The following CTDSPL2 variants were observed in gnomAD, a reference collection of about 807,000 sequenced individuals.
The protein encoded by CTDSPL2 is CTD small phosphatase-like protein 2.
Under a neutral mutation model 60.0 loss-of-function variants are expected in CTDSPL2, and 5 were observed. The ratio of observed to expected loss-of-function variants is 0.08; its 90% CI spans 0.04 to 0.18. CTDSPL2 has a LOEUF of 0.18. Ranked by LOEUF, CTDSPL2 falls within the 10% of genes least tolerant of loss-of-function variation. CTDSPL2 has a pLI of 1.00. For synonymous variants in CTDSPL2, 186 were observed against 189.3 expected (o/e 0.98, Z 0.14); for missense variants, 370 against 548.8 (o/e 0.67, Z 3.26).
intron 8 of CTDSPL2, among the ~76,000 whole-genome samples, chr15:44,513,447 G>A (rs955530813): frequency 5.9e-5 from 9 of 152,278 alleles, no homozygotes; most frequent in East Asian, 1.9e-4. Flanking sequence ...AGCCTGGGCC[G>A]TAAGAGTGAA....
chr15:44,469,429 AT>A (rs1000801476), intron 2 of CTDSPL2, among the ~76,000 whole-genome samples: 13 of 151,176 alleles, frequency 8.6e-5, no homozygotes, highest in Admixed American at 2.6e-4. Flanking sequence ...ATTTTACACT[AT>A]TTTTTTTTCT....
rs143819285 is a variant in CTDSPL2 at position 44,497,268 on chromosome 15, C to T, written c.882+130C>T. ...CTGAAGGACCAAAAATAATTTGGGT[C>T]AACTTAATTAACCATATGCAAGACC... is the stretch of plus-strand genomic sequence containing the variant. On this transcript the variant is annotated intron_variant, in intron 7 of 12. Coordinates refer to ENST00000260327, the MANE Select transcript of CTDSPL2 (RefSeq NM_016396.3). The T allele has an allele frequency of 1.2e-4, 66 of 532,628 alleles. No homozygotes were observed. The East Asian group carries it at 1.9e-3, about 16-fold the overall frequency. 33.0% of individuals were successfully genotyped at this position (532,628 alleles called of 1,614,324 possible). A position where few individuals can be genotyped will look rare whatever the true frequency, so the allele number is the denominator to read the frequency against.
chr15:44,474,883 G>A (rs1162168389), intron 2 of CTDSPL2, among the ~76,000 whole-genome samples: 1 of 152,008 alleles, frequency 6.6e-6, no homozygotes, highest in African/African-American at 2.4e-5. Flanking sequence ...GTTTCAGTGC[G>A]TTGATTTGTC....
intron 1 of CTDSPL2, among the ~76,000 whole-genome samples, chr15:44,444,993 G>A (rs541870269): frequency 4.5e-4 from 68 of 150,056 alleles, no homozygotes; most frequent in African/African-American, 1.4e-3. Flanking sequence ...GACTACAGGC[G>A]CACACCTGGC....
At chr15:44,510,070 C>A (rs2081539773) in intron 8 of CTDSPL2, among the ~76,000 whole-genome samples, 1 of 151,678 alleles carries the variant, frequency 6.6e-6, no homozygotes. Context: ...ACTGCAACCT[C>A]TGTCTCCTGG....
intron 1 of CTDSPL2, among the ~76,000 whole-genome samples, chr15:44,433,214 C>CT (rs1196865523): frequency 6.7e-6 from 1 of 150,272 alleles, no homozygotes; most frequent in Non-Finnish European, 1.5e-5. Context: ...ACTAGCGGGG[C>CT]TGAGTAGGGG....
chr15:44,476,313 G>A (rs1011044241), intron 2 of CTDSPL2, among the ~76,000 whole-genome samples: 1 of 151,972 alleles, frequency 6.6e-6, no homozygotes, highest in Admixed American at 6.6e-5. Flanking sequence ...TGATCCGCCC[G>A]CCCTGGCCTC....
At chr15:44,469,496 T>G (rs752994172) in intron 2 of CTDSPL2, among the ~76,000 whole-genome samples, 9 of 152,168 alleles carry the variant, frequency 5.9e-5, no homozygotes, top group Non-Finnish European at 1.3e-4. Flanking sequence ...ATATGCCATA[T>G]ATTTTGATAC....
At chr15:44,488,987 G>T (rs2081169485) in intron 4 of CTDSPL2, among the ~76,000 whole-genome samples, 1 of 152,082 alleles carries the variant, frequency 6.6e-6, no homozygotes. Context: ...AGGAAGAGAT[G>T]GTGTCATTAA....
chr15:44,493,148 G>A (rs2081244478), intron 5 of CTDSPL2, among the ~76,000 whole-genome samples: 1 of 151,990 alleles, frequency 6.6e-6, no homozygotes, highest in Non-Finnish European at 1.5e-5. Context: ...TCTAATTGAA[G>A]AGCCAAATAT....
intron 8 of CTDSPL2, among the ~76,000 whole-genome samples, chr15:44,501,535 G>T (rs1158827432): frequency 6.6e-6 from 1 of 151,810 alleles, no homozygotes; most frequent in African/African-American, 2.4e-5. Context: ...GTCTTATTTT[G>T]AATAAAAAGC....
At chr15:44,441,943 A>G (rs1047874890) in intron 1 of CTDSPL2, among the ~76,000 whole-genome samples, 5 of 152,114 alleles carry the variant, frequency 3.3e-5, no homozygotes, top group Non-Finnish European at 7.4e-5. Context: ...AGTTTAGACC[A>G]AAGGAAAGGG....
At chr15:44,488,670 CTGGG>C (rs2081163079) in intron 4 of CTDSPL2, among the ~76,000 whole-genome samples, 2 of 151,986 alleles carry the variant, frequency 1.3e-5, no homozygotes, top group South Asian at 4.2e-4. Flanking sequence ...AAAAATTTAG[CTGGG>C]CATGGTGGCG....
At chr15:44,430,726 T>G (rs929101090) in intron 1 of CTDSPL2, among the ~76,000 whole-genome samples, 3 of 152,300 alleles carry the variant, frequency 2.0e-5, no homozygotes, top group Non-Finnish European at 1.5e-5. Flanking sequence ...TGAGAGTTTA[T>G]TTGTGTTGTG....
At chr15:44,481,355 T>C (rs2081023394) in intron 2 of CTDSPL2, among the ~76,000 whole-genome samples, 1 of 152,136 alleles carries the variant, frequency 6.6e-6, no homozygotes, top group Admixed American at 6.5e-5. Context: ...TCTGCAACAA[T>C]ATGTGGTGCC....
chr15:44,460,747 A>G (rs2080549525), intron 2 of CTDSPL2, among the ~76,000 whole-genome samples: 1 of 152,040 alleles, frequency 6.6e-6, no homozygotes, highest in Non-Finnish European at 1.5e-5. Context: ...TTTCTTTGTT[A>G]ATTTTCAGTA....
At chr15:44,523,218 A>C (rs2081813812) in intron 12 of CTDSPL2, among the ~76,000 whole-genome samples, 1 of 152,024 alleles carries the variant, frequency 6.6e-6, no homozygotes, top group Admixed American at 6.6e-5. Flanking sequence ...GCTGATCTCG[A>C]ACTCCTGACC....
intron 1 of CTDSPL2, among the ~76,000 whole-genome samples, chr15:44,439,400 C>A (rs572606226): frequency 7.2e-5 from 11 of 152,046 alleles, no homozygotes; most frequent in Middle Eastern, 3.4e-3. Flanking sequence ...GCCTGCCCCC[C>A]CATCCCCAGC....
intron 1 of CTDSPL2, among the ~76,000 whole-genome samples, chr15:44,444,338 C>CACACAG (rs1300094663): frequency 1.3e-5 from 2 of 148,660 alleles, no homozygotes; most frequent in African/African-American, 4.9e-5. Flanking sequence ...CACACACACA[C>CACACAG]ACAGACACAG....
Sources: allele counts gnomAD v4.1 joint callset (sites outside exome capture counted in the v4.1 genomes callset), GRCh38; gene constraint gnomAD v4.1.1; transcripts MANE v1.5; gene names NCBI Gene and HGNC (gene_info 2026-07-23, HGNC 2026-07-21).